MEIS2: variants seen among roughly 807,000 people sequenced by gnomAD.
The protein encoded by MEIS2 is Meis homeobox 2.
A neutral mutation model predicts 58.6 loss-of-function variants in MEIS2; 9 were observed. The observed-to-expected ratio is 0.15, with a 90% CI of 0.09 to 0.27. MEIS2 has a LOEUF of 0.27. Ranked by LOEUF, MEIS2 falls within the 10% of genes least tolerant of loss-of-function variation. The pLI is 1.00. For synonymous variants in MEIS2, 221 were observed against 228.4 expected (o/e 0.97, Z 0.29); for missense variants, 427 against 635.0 (o/e 0.67, Z 3.52).
chr15:36,932,037 G>C (rs1450496805), intron 9 of MEIS2, among the ~76,000 whole-genome samples: 1 of 152,192 alleles, frequency 6.6e-6, no homozygotes, highest in Non-Finnish European at 1.5e-5. Flanking sequence ...ATGTGTAATA[G>C]TGATATTCTT....
At chr15:37,065,870 T>G (rs1253368328) in intron 7 of MEIS2, among the ~76,000 whole-genome samples, 1 of 152,216 alleles carries the variant, frequency 6.6e-6, no homozygotes, top group African/African-American at 2.4e-5. Flanking sequence ...TAGCAGATCT[T>G]ATTATTCCCA....
chr15:37,003,618 ATCT>A (rs559173371), intron 8 of MEIS2, among the ~76,000 whole-genome samples: 12 of 152,164 alleles, frequency 7.9e-5, no homozygotes, highest in Non-Finnish European at 1.0e-4. Flanking sequence ...GACTTTTGAA[ATCT>A]TCTTCTTTCT....
intron 9 of MEIS2, among the ~76,000 whole-genome samples, chr15:36,924,618 G>A (rs111792527): frequency 1.3e-5 from 2 of 152,234 alleles, no homozygotes; most frequent in African/African-American, 4.8e-5. Flanking sequence ...TAGACTTGCC[G>A]CGAACCTCAA....
intron 9 of MEIS2, among the ~76,000 whole-genome samples, chr15:36,919,459 T>A (rs2057406505): frequency 6.6e-6 from 1 of 151,666 alleles, no homozygotes; most frequent in South Asian, 2.1e-4. Context: ...ATGCCTGTAA[T>A]CCCAGCTACT....
intron 7 of MEIS2, among the ~76,000 whole-genome samples, chr15:37,076,047 T>C (rs17528861): frequency 0.022 from 3,380 of 152,124 alleles, 43 homozygotes; most frequent in Non-Finnish European, 0.033. Flanking sequence ...CTCAGAAAGA[T>C]AGTGAATAAC....
chr15:36,970,372 C>G (rs1323632273), intron 8 of MEIS2, among the ~76,000 whole-genome samples: 3 of 151,252 alleles, frequency 2.0e-5, no homozygotes, highest in East Asian at 1.9e-4. Context: ...CCACTGCACT[C>G]CAGCCTGGGC....
chr15:36,995,717 A>AAAAAC (rs1388420078), intron 8 of MEIS2, among the ~76,000 whole-genome samples: 65 of 45,742 alleles, frequency 1.4e-3, no homozygotes, highest in African/African-American at 3.6e-3. Flanking sequence ...AAAAAAAAAA[A>AAAAAC]AAAAAAAAAA....
intron 8 of MEIS2, among the ~76,000 whole-genome samples, chr15:36,958,775 C>T (rs2059080188): frequency 1.3e-5 from 2 of 152,146 alleles, no homozygotes; most frequent in South Asian, 2.1e-4. Context: ...ATGCTGCCTA[C>T]ATGGCTAATG....
chr15:37,027,670 G>T (rs954172212), intron 8 of MEIS2, among the ~76,000 whole-genome samples: 1 of 151,944 alleles, frequency 6.6e-6, no homozygotes, highest in Non-Finnish European at 1.5e-5. Context: ...ATGAAATTGG[G>T]TGCTAAACTT....
intron 1 of MEIS2, 131 bp from the exon 2 acceptor site, chr15:37,098,330 G>A: frequency 1.7e-6 from 2 of 1,178,314 alleles, no homozygotes; most frequent in Non-Finnish European, 2.1e-6. Flanking sequence ...TGAGAGAGAG[G>A]GAGGGAGGTA....
chr15:36,971,539 A>AAAAAAAAAAAAC (rs2059566292), intron 8 of MEIS2, among the ~76,000 whole-genome samples: 1 of 107,620 alleles, frequency 9.3e-6, no homozygotes, highest in Non-Finnish European at 2.0e-5. Flanking sequence ...TGTTACATTA[A>AAAAAAAAAAAAC]AAAAAAAAAA....
At chr15:37,011,146 T>G (rs1206415695) in intron 8 of MEIS2, among the ~76,000 whole-genome samples, 1 of 152,230 alleles carries the variant, frequency 6.6e-6, no homozygotes, top group African/African-American at 2.4e-5. Flanking sequence ...TATGTAAGTA[T>G]ATTTTGGGTT....
chr15:36,927,682 A>G (rs1333775484), intron 9 of MEIS2, among the ~76,000 whole-genome samples: 1 of 151,498 alleles, frequency 6.6e-6, no homozygotes, highest in Admixed American at 6.6e-5. Context: ...TTCTATTTTA[A>G]TATAAGAAAC....
chr15:36,993,048 G>A (rs1254474752), intron 8 of MEIS2, among the ~76,000 whole-genome samples: 1 of 152,106 alleles, frequency 6.6e-6, no homozygotes, highest in Non-Finnish European at 1.5e-5. Flanking sequence ...ATCTGTAGCT[G>A]AGGATTGTTA....
chr15:36,920,826 G>C (rs1343148921), intron 9 of MEIS2, among the ~76,000 whole-genome samples: 1 of 152,178 alleles, frequency 6.6e-6, no homozygotes, highest in Non-Finnish European at 1.5e-5. Flanking sequence ...TGGAAGTCAT[G>C]TGGAATCTGT....
At chr15:37,083,657 C>T (rs1032895561) in intron 7 of MEIS2, 114 bp downstream of exon 7, 34 of 685,110 alleles carry the variant, frequency 5.0e-5, no homozygotes, top group Non-Finnish European at 6.6e-5. Flanking sequence ...GCTGATTCTA[C>T]TCCCTAACCT....
Position 36,997,490 on chromosome 15 carries a change from T to TC in MEIS2, c.900+39323_900+39324insG, listed in dbSNP as rs1491171963. 3.9e-3 allele frequency among the ~76,000 whole-genome samples: 13 copies of TC among 3,358 alleles called. No homozygotes were observed. The Admixed American group carries it at 0.17, about 45-fold the overall frequency. The allele number at this position is 3,358 out of a possible 152,430, so 2.2% of individuals were successfully genotyped here. A position where few individuals can be genotyped will look rare whatever the true frequency, so the allele number is the denominator to read the frequency against. ...AATTCTTGATTTCTCTCTCTCTCTC[T>TC]TTTTTTTTTTTTTTGAGACAGAATC... is the stretch of plus-strand genomic sequence containing the variant. On this transcript the variant is annotated intron_variant, in intron 8 of 11. Coordinates refer to ENST00000561208, the MANE Select transcript of MEIS2 (RefSeq NM_170675.5).
intron 8 of MEIS2, among the ~76,000 whole-genome samples, chr15:36,977,728 T>C (rs2059805129): frequency 1.3e-5 from 2 of 152,168 alleles, no homozygotes; most frequent in Non-Finnish European, 2.9e-5. Flanking sequence ...TTTACAGAAC[T>C]CCCTATCTCT....
chr15:37,034,933 C>CT (rs1404957572), intron 8 of MEIS2, among the ~76,000 whole-genome samples: 1 of 152,182 alleles, frequency 6.6e-6, no homozygotes, highest in Non-Finnish European at 1.5e-5. Context: ...TTTTGGGTCT[C>CT]TGTTTCCTCA....
Sources: allele counts gnomAD v4.1 joint callset (sites outside exome capture counted in the v4.1 genomes callset), GRCh38; gene constraint gnomAD v4.1.1; transcripts MANE v1.5; gene names NCBI Gene and HGNC (gene_info 2026-07-23, HGNC 2026-07-21).